Variants in PTPRM observed in about 807,000 individuals in gnomAD.
The protein encoded by PTPRM is protein tyrosine phosphatase receptor type M.
In PTPRM, 47 loss-of-function variants were observed where a neutral mutation model predicts 186.7. The ratio of observed to expected loss-of-function variants is 0.25; its 90% CI spans 0.20 to 0.32. The LOEUF (loss-of-function observed/expected upper bound fraction) is 0.32. PTPRM is among the 10% of genes least tolerant of loss of function. The pLI is 1.00. For synonymous variants in PTPRM, 668 were observed against 674.9 expected, an observed-to-expected ratio of 0.99 and a Z score of 0.16; for missense variants, 1,494 against 1,865.0, an observed-to-expected ratio of 0.80 and a Z score of 3.66.
At chr18:8,378,469 T>C (rs2095710289) in intron 27 of PTPRM, 55 bp downstream of exon 27, 6 of 1,586,984 alleles carry the variant, frequency 3.8e-6, no homozygotes, top group Non-Finnish European at 4.3e-6. Flanking sequence ...TCAAGAAGGA[T>C]TTCAAGGTCA....
intron 14 of PTPRM, among the ~76,000 whole-genome samples, chr18:8,228,064 G>A (rs1479968609): frequency 6.6e-6 from 1 of 152,200 alleles, no homozygotes; most frequent in Non-Finnish European, 1.5e-5. Context: ...ATCTTCGGTT[G>A]GTTTGGGGAA....
chr18:8,254,336 T>C (rs1034922753), intron 19 of PTPRM, among the ~76,000 whole-genome samples: 1 of 152,256 alleles, frequency 6.6e-6, no homozygotes, highest in African/African-American at 2.4e-5. Flanking sequence ...TTGAAGAGAA[T>C]TAATTGATTG....
intron 1 of PTPRM, among the ~76,000 whole-genome samples, chr18:7,656,160 A>G (rs1337406837): frequency 2.0e-5 from 3 of 152,244 alleles, no homozygotes; most frequent in Admixed American, 6.5e-5. Flanking sequence ...ACGATAGCCA[A>G]AAGGTAGAAG....
intron 7 of PTPRM, among the ~76,000 whole-genome samples, chr18:7,998,033 G>A (rs748698073): frequency 6.6e-6 from 1 of 152,008 alleles, no homozygotes; most frequent in Admixed American, 6.6e-5. Flanking sequence ...TGGGTATTTG[G>A]GTATGTTGCA....
intron 1 of PTPRM, among the ~76,000 whole-genome samples, chr18:7,647,471 C>T (rs754012604): frequency 1.2e-4 from 18 of 152,148 alleles, no homozygotes; most frequent in Non-Finnish European, 2.4e-4. Flanking sequence ...TCATTCTAGA[C>T]AAGGTATGTA....
chr18:7,648,341 G>T (rs531549397), intron 1 of PTPRM, among the ~76,000 whole-genome samples: 7 of 152,150 alleles, frequency 4.6e-5, no homozygotes, highest in Middle Eastern at 3.4e-3. Flanking sequence ...TTAAAATTAG[G>T]ACAATTAATA....
At chr18:8,181,352 G>T (rs1368521302) in intron 14 of PTPRM, among the ~76,000 whole-genome samples, 1 of 152,188 alleles carries the variant, frequency 6.6e-6, no homozygotes. Flanking sequence ...CGTGGCAATT[G>T]CTGGAGGCAA....
chr18:8,192,735 A>G (rs2146725677), intron 14 of PTPRM, among the ~76,000 whole-genome samples: 1 of 152,346 alleles, frequency 6.6e-6, no homozygotes, highest in African/African-American at 2.4e-5. Flanking sequence ...CCAATATAAG[A>G]TCTAATAATA....
chr18:8,268,504 G>T (rs7504794), intron 19 of PTPRM, among the ~76,000 whole-genome samples: 6 of 152,046 alleles, frequency 3.9e-5, no homozygotes, highest in Non-Finnish European at 8.8e-5. Flanking sequence ...AACATTTAAA[G>T]AAGAATTAAG....
chr18:7,926,622 T>C lies in PTPRM; in HGVS notation c.602T>C (p.Phe201Ser). Residue 201 changes from phenylalanine to serine, a missense_variant, in exon 5 of 33, where the codon TTT becomes TCT. Around this residue, in one of 3 missense-constraint regions of PTPRM, gnomAD observed 296 missense variants for 345.5 expected, o/e 0.86. Transcript: ENST00000580170. ...AATGTGGAAGTTAATGCTGGCCAGT[T>C]TGCTACCTTCCAGTGCAGTGCCATC... ...IQNVEVNAGQ[F>S]ATFQCSAIGR... The C allele has an allele frequency of 1.2e-6, 2 of 1,613,808 alleles. No homozygotes were observed. Among genetic ancestry groups the C allele is most frequent in the Admixed American group, 1.7e-5 (1 of 59,810 alleles).
At chr18:8,108,208 C>T (rs2091605708) in intron 11 of PTPRM, among the ~76,000 whole-genome samples, 1 of 152,008 alleles carries the variant, frequency 6.6e-6, no homozygotes, top group African/African-American at 2.4e-5. Context: ...TCTTTTTATA[C>T]ATATATAATG....
chr18:7,609,159 T>A (rs982125145), intron 1 of PTPRM, among the ~76,000 whole-genome samples: 2 of 152,232 alleles, frequency 1.3e-5, no homozygotes, highest in Non-Finnish European at 1.5e-5. Context: ...ATAAGTCTGG[T>A]CCTTAGTTAG....
chr18:8,176,281 G>A (rs993741383), intron 14 of PTPRM, among the ~76,000 whole-genome samples: 1 of 152,080 alleles, frequency 6.6e-6, no homozygotes, highest in African/African-American at 2.4e-5. Context: ...TAACAAAGAA[G>A]GCTGTGTAAT....
chr18:7,839,640 C>G (rs2046225443), intron 2 of PTPRM, among the ~76,000 whole-genome samples: 1 of 152,212 alleles, frequency 6.6e-6, no homozygotes, highest in African/African-American at 2.4e-5. Context: ...GAGCCACAAG[C>G]TGTGGAGCTT....
At chr18:8,106,924 A>C (rs925288496) in intron 11 of PTPRM, among the ~76,000 whole-genome samples, 2 of 152,310 alleles carry the variant, frequency 1.3e-5, no homozygotes, top group African/African-American at 4.8e-5. Context: ...TTTGTATTCC[A>C]GCCCATCTGG....
chr18:8,037,472 C>G (rs1487100591), intron 7 of PTPRM, among the ~76,000 whole-genome samples: 1 of 152,102 alleles, frequency 6.6e-6, no homozygotes, highest in East Asian at 1.9e-4. Context: ...GATTCAACAT[C>G]TTAAGTGTGA....
chr18:7,764,629 G>A (rs1457161994), intron 1 of PTPRM, among the ~76,000 whole-genome samples: 1 of 152,218 alleles, frequency 6.6e-6, no homozygotes, highest in East Asian at 1.9e-4. Flanking sequence ...AACCCCCAGA[G>A]GTTCTGACTC....
intron 22 of PTPRM, among the ~76,000 whole-genome samples, chr18:8,324,654 A>G (rs1465546301): frequency 1.3e-5 from 2 of 152,258 alleles, no homozygotes; most frequent in Non-Finnish European, 2.9e-5. Context: ...ACCATGTGCC[A>G]GACAGCATTC....
At chr18:7,927,597 G>A (rs1248853491) in intron 5 of PTPRM, among the ~76,000 whole-genome samples, 1 of 151,968 alleles carries the variant, frequency 6.6e-6, no homozygotes, top group Non-Finnish European at 1.5e-5. Context: ...TCCATCATGT[G>A]TGCTGGCCTT....
Sources: allele counts gnomAD v4.1 joint callset (sites outside exome capture counted in the v4.1 genomes callset), GRCh38; gene constraint gnomAD v4.1.1; regional missense constraint gnomAD v4.1.1; transcripts MANE v1.5; gene names NCBI Gene and HGNC (gene_info 2026-07-23, HGNC 2026-07-21).